Variants in OTUD7A observed in about 807,000 individuals in gnomAD.
OTUD7A encodes OTU domain-containing protein 7A.
Under a neutral mutation model 65.7 loss-of-function variants are expected in OTUD7A, and 12 were observed. The observed-to-expected ratio is 0.18, with a 90% confidence interval of 0.12 to 0.30. The LOEUF (loss-of-function observed/expected upper bound fraction) is 0.30. OTUD7A is among the 10% of genes least tolerant of loss of function. The pLI, the probability that OTUD7A is intolerant of heterozygous loss-of-function variation, is 1.00. For synonymous variants in OTUD7A, 641 were observed against 586.3 expected (o/e 1.09, Z -1.35); for missense variants, 1,148 against 1,304.8 (o/e 0.88, Z 1.85).
At chr15:31,493,969 A>G (rs74010663) in intron 10 of OTUD7A, among the ~76,000 whole-genome samples, 8,399 of 152,322 alleles carry the variant, frequency 0.055, 781 homozygotes, top group African/African-American at 0.19. Flanking sequence ...AGCAAATTAA[A>G]CTCAAAGCAG....
chr15:31,805,813 A>T (rs1896255820), intron 1 of OTUD7A, among the ~76,000 whole-genome samples: 1 of 152,194 alleles, frequency 6.6e-6, no homozygotes, highest in Non-Finnish European at 1.5e-5. Context: ...ACCCAACAAT[A>T]AGAACTACAA....
intron 1 of OTUD7A, among the ~76,000 whole-genome samples, chr15:31,793,921 G>A (rs1293903845): frequency 6.6e-6 from 1 of 152,206 alleles, no homozygotes; most frequent in Non-Finnish European, 1.5e-5. Flanking sequence ...GTCTATTGAT[G>A]CTACCAAGGA....
chr15:31,625,048 G>A (rs1490996514), intron 3 of OTUD7A, among the ~76,000 whole-genome samples: 5 of 152,168 alleles, frequency 3.3e-5, no homozygotes, highest in East Asian at 3.9e-4. Context: ...ATAAGCTGTC[G>A]CTTTATCTCT....
At chr15:31,633,235 C>T (rs1458811855) in intron 3 of OTUD7A, among the ~76,000 whole-genome samples, 2 of 152,096 alleles carry the variant, frequency 1.3e-5, no homozygotes, top group African/African-American at 2.4e-5. Context: ...AGCTGTAGAC[C>T]AGAGCTGTTC....
At chr15:31,560,338 A>G (rs1278830697) in intron 4 of OTUD7A, among the ~76,000 whole-genome samples, 1 of 152,194 alleles carries the variant, frequency 6.6e-6, no homozygotes, top group Non-Finnish European at 1.5e-5. Flanking sequence ...CTCAAAAATA[A>G]TGCTCTCCTC....
intron 10 of OTUD7A, among the ~76,000 whole-genome samples, chr15:31,500,259 T>TGGAAAGACC (rs2041448360): frequency 6.6e-6 from 1 of 152,200 alleles, no homozygotes; most frequent in African/African-American, 2.4e-5. Context: ...GGGGAGACAA[T>TGGAAAGACC]GGAAAGACCG....
At chr15:31,801,038 A>G (rs1896109563) in intron 1 of OTUD7A, among the ~76,000 whole-genome samples, 1 of 146,616 alleles carries the variant, frequency 6.8e-6, no homozygotes, top group Non-Finnish European at 1.5e-5. Context: ...AATGTAGAGC[A>G]TTATCCAGCA....
At chr15:31,575,237 T>C (rs1394340580) in intron 3 of OTUD7A, among the ~76,000 whole-genome samples, 2 of 152,196 alleles carry the variant, frequency 1.3e-5, no homozygotes, top group Non-Finnish European at 2.9e-5. Flanking sequence ...GGCTTCCCCA[T>C]GTAGCCCTGT....
intron 3 of OTUD7A, among the ~76,000 whole-genome samples, chr15:31,630,553 T>G (rs995137765): frequency 1.3e-5 from 2 of 152,116 alleles, no homozygotes; most frequent in African/African-American, 2.4e-5. Context: ...CTGAAAAAAA[T>G]GTATATTCTG....
intron 1 of OTUD7A, among the ~76,000 whole-genome samples, chr15:31,841,950 T>C (rs1567050362): frequency 6.6e-6 from 1 of 152,248 alleles, no homozygotes; most frequent in East Asian, 1.9e-4. Context: ...TCTCTTCCCA[T>C]CTCCACCCAT....
chr15:31,717,695 A>G (rs1309410824), intron 1 of OTUD7A, among the ~76,000 whole-genome samples: 2 of 152,200 alleles, frequency 1.3e-5, no homozygotes, highest in African/African-American at 4.8e-5. Context: ...GTGCTGCAAT[A>G]AACATACATG....
In OTUD7A at chr15:31,585,682, A is replaced by G. The variant is rs576066217; in HGVS notation, c.152-15485T>C. On this transcript the variant is annotated intron_variant, in intron 3 of 12. Transcript: ENST00000307050. ...TGGTCTGAAAATCCTTCTCACTTGC[A>G]ACCTCCAGATTCTTATGTGCTCCAG... Among the ~76,000 whole-genome samples the G allele has an allele frequency of 2.2e-4, 34 of 152,352 alleles. No individual in the cohort carries two copies. In the South Asian group the frequency reaches 6.8e-3, roughly 31 times the overall value.
At chr15:31,526,186 G>A (rs540470003) in intron 8 of OTUD7A, among the ~76,000 whole-genome samples, 163 bp downstream of exon 8, 13 of 152,292 alleles carry the variant, frequency 8.5e-5, no homozygotes, top group Admixed American at 2.0e-4. Context: ...CGGTCCTCCC[G>A]TGCGTCCTTG....
At chr15:31,635,968 G>T (rs1267553482) in intron 3 of OTUD7A, among the ~76,000 whole-genome samples, 1 of 152,240 alleles carries the variant, frequency 6.6e-6, no homozygotes, top group Non-Finnish European at 1.5e-5. Context: ...AGAGGAAAAT[G>T]ATACACCTTA....
At chr15:31,526,281 T>A in intron 8 of OTUD7A, 68 bp downstream of exon 8, 3 of 1,396,198 alleles carry the variant, frequency 2.1e-6, no homozygotes, top group Non-Finnish European at 2.9e-6. Flanking sequence ...CATCCCCCCA[T>A]GCTGTGTGTA....
At chr15:31,772,437 C>A (rs953660962) in intron 1 of OTUD7A, among the ~76,000 whole-genome samples, 7 of 151,778 alleles carry the variant, frequency 4.6e-5, no homozygotes, top group African/African-American at 1.7e-4. Flanking sequence ...AAGGAATAAA[C>A]GAAAAAAAAT....
chr15:31,586,171 A>G (rs1889530316), intron 3 of OTUD7A, among the ~76,000 whole-genome samples: 1 of 152,180 alleles, frequency 6.6e-6, no homozygotes, highest in Non-Finnish European at 1.5e-5. Context: ...TCCAGGATAG[A>G]ATGACCAAAG....
At chr15:31,652,430 T>C (rs991262350) in intron 3 of OTUD7A, among the ~76,000 whole-genome samples, 3 of 152,184 alleles carry the variant, frequency 2.0e-5, no homozygotes, top group African/African-American at 4.8e-5. Context: ...CCTGGAGTTA[T>C]GCAAAATTTC....
At chr15:31,562,840 A>C (rs1213374244) in intron 4 of OTUD7A, among the ~76,000 whole-genome samples, 1 of 152,052 alleles carries the variant, frequency 6.6e-6, no homozygotes, top group Non-Finnish European at 1.5e-5. Context: ...GTTCCAATAA[A>C]ACTTTACTTA....
Sources: gnomAD v4.1 joint callset for allele counts (sites outside exome capture counted in the v4.1 genomes callset) on GRCh38, gnomAD v4.1.1 for gene constraint, MANE v1.5 for transcripts, NCBI Gene and HGNC (gene_info 2026-07-23, HGNC 2026-07-21) for gene names.